The following CNTN5 variants were observed in gnomAD, a reference collection of about 807,000 sequenced individuals.
CNTN5 encodes the protein contactin-5.
In CNTN5, 77 loss-of-function variants were observed where a neutral mutation model predicts 129.1. The ratio of observed to expected loss-of-function variants is 0.60; its 90% confidence interval spans 0.50 to 0.72. CNTN5 has a LOEUF of 0.72. CNTN5 is among the 30% of genes least tolerant of loss of function. The pLI is 0.00. For missense variants in CNTN5, 1,478 were observed against 1,328.8 expected, an observed-to-expected ratio of 1.11 and a Z score of -1.75; for synonymous variants, 509 against 465.6, an observed-to-expected ratio of 1.09 and a Z score of -1.20.
At position 99,791,132 on chromosome 11, in the gene CNTN5, G is replaced by A. The variant is rs552764778; in HGVS notation, c.56-28412G>A. ...TGATAGTTTTTTTTTTTCCTGTGTAGAAGCTTAAGTTTAAGTAGATCTCAT... is the reference window on the plus strand; with the variant it reads ...TGATAGTTTTTTTTTTTCCTGTGTAAAAGCTTAAGTTTAAGTAGATCTCAT... On this transcript the variant is annotated intron_variant, in intron 3 of 24. Transcript: ENST00000524871. Among the ~76,000 whole-genome samples the A allele has an allele frequency of 2.4e-4, 37 of 151,170 alleles. 1 individual carries two copies. In the South Asian group the frequency reaches 7.5e-3, roughly 31 times the overall value.
chr11:100,346,755 A>G (rs1952291050), intron 23 of CNTN5, among the ~76,000 whole-genome samples: 1 of 152,132 alleles, frequency 6.6e-6, no homozygotes, highest in Non-Finnish European at 1.5e-5. Flanking sequence ...ACTAGTTATT[A>G]TACAGTCCAT....
chr11:99,239,707 G>A (rs1861443897), intron 1 of CNTN5, among the ~76,000 whole-genome samples: 1 of 151,936 alleles, frequency 6.6e-6, no homozygotes, highest in Non-Finnish European at 1.5e-5. Context: ...AGGCCGAGGC[G>A]GGCGGATCAC....
At chr11:99,284,235 C>T (rs1267297814) in intron 1 of CNTN5, among the ~76,000 whole-genome samples, 21 of 152,028 alleles carry the variant, frequency 1.4e-4, no homozygotes, top group Admixed American at 1.4e-3. Context: ...ACAATAGTCT[C>T]TACAAACAAA....
chr11:99,332,292 C>A (rs991599431), intron 2 of CNTN5, among the ~76,000 whole-genome samples: 1 of 81,922 alleles, frequency 1.2e-5, no homozygotes, highest in Non-Finnish European at 2.4e-5. Flanking sequence ...CTACTATTTC[C>A]ACAATGTCTC....
chr11:99,743,744 C>A lies in CNTN5; in HGVS notation c.56-75800C>A, dbSNP rs538634925. On this transcript the variant is annotated intron_variant, in intron 3 of 24. Coordinates refer to ENST00000524871, the MANE Select transcript of CNTN5 (RefSeq NM_014361.4). Reference sequence around the variant, plus strand: ...CCTATTTAGAAGCCCATTGTAAAATCATAAATGTAAATAACTCCCTAATGA... The same window carrying A: ...CCTATTTAGAAGCCCATTGTAAAATAATAAATGTAAATAACTCCCTAATGA... Among the ~76,000 whole-genome samples the A allele has an allele frequency of 5.9e-5, 9 of 152,188 alleles. No individual in the cohort carries two copies. In the South Asian group the frequency reaches 1.9e-3, roughly 32 times the overall value.
intron 3 of CNTN5, among the ~76,000 whole-genome samples, chr11:99,583,185 G>T (rs539962355): frequency 4.6e-5 from 7 of 152,340 alleles, no homozygotes; most frequent in Admixed American, 2.6e-4. Flanking sequence ...TCCTCTGGAA[G>T]TTTTGTCTCA....
intron 2 of CNTN5, among the ~76,000 whole-genome samples, chr11:99,380,787 G>C (rs200064901): frequency 1.0e-5 from 1 of 95,428 alleles, no homozygotes; most frequent in Non-Finnish European, 2.2e-5. Flanking sequence ...AAAAAAAAAA[G>C]AAAAGAAAAA....
rs193212479 is a variant in CNTN5, at chr11:99,903,495, T to C, written c.578-12559T>C. On this transcript the variant is annotated intron_variant, in intron 6 of 24. Coordinates refer to ENST00000524871, the MANE Select transcript of CNTN5 (RefSeq NM_014361.4). ...CATAATGTTATACTCACAGTCAAAC[T>C]GTCTTAAAAATCTACTCACCAGTTA... Among the ~76,000 whole-genome samples the C allele has an allele frequency of 5.3e-5, 8 of 152,236 alleles. No individual in the cohort carries two copies. The East Asian group carries it at 1.6e-3, about 30-fold the overall frequency.
intron 13 of CNTN5, among the ~76,000 whole-genome samples, chr11:100,084,419 C>T (rs753794241): frequency 4.3e-4 from 65 of 152,122 alleles, no homozygotes; most frequent in Non-Finnish European, 6.8e-4. Context: ...ATTGTACGGT[C>T]GAGATTTTTA....
In CNTN5 at chr11:100,357,297, G is replaced by A. The variant is rs573865101; in HGVS notation, c.*1077G>A. ...TGATAAAATCAACTAGTAAAATAAA[G>A]ACAGTCTTTCTTGGATAAATTGAAT... On this transcript the variant is annotated 3_prime_UTR_variant, in exon 25 of 25. Coordinates refer to ENST00000524871, the MANE Select transcript of CNTN5 (RefSeq NM_014361.4). 6.6e-6 allele frequency: 1 copy of A among 151,904 alleles called. No homozygotes were observed. Among genetic ancestry groups the A allele is most frequent in the East Asian group, 1.9e-4 (1 of 5,174 alleles). The allele number at this position is 151,904 out of a possible 1,614,324, so 9.4% of individuals were successfully genotyped here. A position where few individuals can be genotyped will look rare whatever the true frequency, so the allele number is the denominator to read the frequency against.
intron 3 of CNTN5, among the ~76,000 whole-genome samples, chr11:99,622,678 C>T (rs1409130127): frequency 6.6e-6 from 1 of 152,036 alleles, no homozygotes; most frequent in Non-Finnish European, 1.5e-5. Context: ...AGATGGTAAT[C>T]TAAATTTCAT....
Position 99,793,339 on chromosome 11 carries a change from G to A in CNTN5, c.56-26205G>A, listed in dbSNP as rs181544986. ...CTCCCAAAGTGCTGGGATTACAGGCGTGAGCCACTGTGCCCGGCTCTATCT... is the reference window on the plus strand; with the variant it reads ...CTCCCAAAGTGCTGGGATTACAGGCATGAGCCACTGTGCCCGGCTCTATCT... On this transcript the variant is annotated intron_variant, in intron 3 of 24. Transcript: ENST00000524871. Among the ~76,000 whole-genome samples, 1,369 of 152,250 alleles carry A rather than the reference G, an allele frequency of 9.0e-3. 9 individuals are homozygous for A. The highest frequency in any genetic ancestry group is 0.015 in the Non-Finnish European group (1,000 of 68,028).
chr11:99,127,094 T>C (rs1028112142), intron 1 of CNTN5, among the ~76,000 whole-genome samples: 6 of 152,216 alleles, frequency 3.9e-5, no homozygotes, highest in African/African-American at 1.2e-4. Context: ...CAATAGTTCA[T>C]GGTCTGTTTC....
intron 2 of CNTN5, among the ~76,000 whole-genome samples, chr11:99,549,578 G>A (rs1948414501): frequency 6.6e-6 from 1 of 152,068 alleles, no homozygotes; most frequent in Admixed American, 6.6e-5. Context: ...GTTCACTGAG[G>A]CATTCAAGAA....
intron 1 of CNTN5, among the ~76,000 whole-genome samples, chr11:99,238,371 T>C (rs1484853793): frequency 6.6e-6 from 1 of 152,294 alleles, no homozygotes; most frequent in Admixed American, 6.5e-5. Flanking sequence ...TGGCATAAAA[T>C]GCAATCTGAA....
At chr11:100,316,209 G>A (rs1393104037) in intron 21 of CNTN5, among the ~76,000 whole-genome samples, 1 of 152,154 alleles carries the variant, frequency 6.6e-6, no homozygotes, top group Non-Finnish European at 1.5e-5. Flanking sequence ...AATCATTTCT[G>A]TGATTTTCCC....
intron 6 of CNTN5, among the ~76,000 whole-genome samples, chr11:99,874,021 T>C (rs866106841): frequency 1.4e-4 from 22 of 152,010 alleles, no homozygotes; most frequent in Non-Finnish European, 5.9e-5. Flanking sequence ...TGGGTAAACA[T>C]GGACGTGAAG....
chr11:99,659,296 A>G (rs1952509483), intron 3 of CNTN5, among the ~76,000 whole-genome samples: 1 of 152,158 alleles, frequency 6.6e-6, no homozygotes, highest in South Asian at 2.1e-4. Context: ...GAGAGATCCA[A>G]TGGCATTTGT....
At chr11:99,319,514 A>G (rs1228987054) in intron 1 of CNTN5, among the ~76,000 whole-genome samples, 2 of 152,142 alleles carry the variant, frequency 1.3e-5, no homozygotes, top group Non-Finnish European at 2.9e-5. Flanking sequence ...GCTATTCACC[A>G]GTTTCATTCT....
Sources: gnomAD v4.1 joint callset for allele counts (sites outside exome capture counted in the v4.1 genomes callset) on GRCh38, gnomAD v4.1.1 for gene constraint, MANE v1.5 for transcripts, NCBI Gene and HGNC (gene_info 2026-07-23, HGNC 2026-07-21) for gene names.